Variants in ETNPPL observed in about 807,000 individuals in gnomAD.
The protein encoded by ETNPPL is alanine--glyoxylate aminotransferase 2-like 1.
Under a neutral mutation model 55.5 loss-of-function variants are expected in ETNPPL, and 30 were observed. The ratio of observed to expected loss-of-function variants is 0.54; its 90% CI spans 0.40 to 0.73. The LOEUF (loss-of-function observed/expected upper bound fraction) is 0.73, where lower values mean the gene tolerates loss of function less well. Ranked by LOEUF, ETNPPL falls within the 30% of genes least tolerant of loss-of-function variation. The pLI is 0.00. For synonymous variants in ETNPPL, 202 were observed against 207.2 expected (o/e 0.98, Z 0.21); for missense variants, 528 against 607.9 (o/e 0.87, Z 1.38).
intron 5 of ETNPPL, among the ~76,000 whole-genome samples, chr4:108,753,304 G>T (rs60819900): frequency 0.066 from 10,061 of 152,212 alleles, 897 homozygotes; most frequent in East Asian, 0.48. Context: ...ATTTAAAAAT[G>T]TCAGTGAATG....
chr4:108,751,018 T>C lies in ETNPPL; in HGVS notation c.619A>G (p.Ile207Val), dbSNP rs1433555257. The change falls in exon 7 of 13, where the codon ATT becomes GTT. Residue 207 changes from isoleucine (I) to valine (V), a missense_variant and splice_region_variant. Ile to Val is a conservative substitution (Grantham distance 29, BLOSUM62 3). Coordinates refer to ENST00000296486, the MANE Select transcript of ETNPPL (RefSeq NM_031279.4). The part of the protein sequence containing the change: ...IEDAHNSGRK[I>V]AAFIAESMQS... Reference sequence around the variant, plus strand: ...ATGGATTCAGCAATAAAGGCAGCAATCTATACAAGAGAAGATGGTGTCAAA... The same window carrying C: ...ATGGATTCAGCAATAAAGGCAGCAACCTATACAAGAGAAGATGGTGTCAAA... 41 of 1,611,234 alleles carry C rather than the reference T, an allele frequency of 2.5e-5. No homozygotes were observed. The highest frequency in any genetic ancestry group is 3.5e-5 in the Non-Finnish European group (41 of 1,177,746).
At chr4:108,756,192 T>C (rs957237337) in intron 4 of ETNPPL, among the ~76,000 whole-genome samples, 4 of 152,236 alleles carry the variant, frequency 2.6e-5, no homozygotes, top group Admixed American at 2.0e-4. Context: ...TCCCCCACAG[T>C]AACCAAGAGA....
In ETNPPL at chr4:108,750,198, TCC is replaced by T. The variant is rs570869573; in HGVS notation, c.701+736_702-736del. 1.1e-4 allele frequency among the ~76,000 whole-genome samples: 17 copies of T among 152,228 alleles called. No homozygotes were observed. In the East Asian group the frequency reaches 3.3e-3, roughly 29 times the overall value. On this transcript the variant is annotated intron_variant, in intron 7 of 12. Coordinates refer to ENST00000296486, the MANE Select transcript of ETNPPL (RefSeq NM_031279.4). ...TTCCTGGGTATGTCTGTGAGGGTGTTCCCAAAAGAGATTAACATTTGAGTCAG... is the reference window on the plus strand; with the variant it reads ...TTCCTGGGTATGTCTGTGAGGGTGTTCAAAAGAGATTAACATTTGAGTCAG...
Position 108,743,817 on chromosome 4 carries a change from G to C in ETNPPL, c.1343C>G (p.Thr448Ser), listed in dbSNP as rs549154634. 1 of 1,611,816 alleles carries C rather than the reference G, an allele frequency of 6.2e-7. No homozygotes were observed. The highest frequency in any genetic ancestry group is 1.7e-5 in the Admixed American group (1 of 59,978). The change falls in exon 12 of 13, where the codon ACC becomes AGC. Residue 448 changes from threonine to serine, a missense_variant. Transcript: ENST00000296486. ...TGTTTTGCATGGAGTATTCTCAGAGGTCACACTTTCGGTTTTGGTTCCCAT... is the reference window on the plus strand; with the variant it reads ...TGTTTTGCATGGAGTATTCTCAGAGCTCACACTTTCGGTTTTGGTTCCCAT... ...EAMGTKTESV[T>S]SENTPCKTKM...
rs1181903475 is a variant in ETNPPL at position 108,746,505 on chromosome 4, G to A, written c.1197C>T (p.Leu399=). 6.2e-7 allele frequency: 1 copy of A among 1,612,952 alleles called. No individual in the cohort carries two copies. The highest frequency in any genetic ancestry group is 8.5e-7 in the Non-Finnish European group (1 of 1,179,908). The change falls in exon 11 of 13, where the codon CTC becomes CTT. Residue 399 remains leucine, a synonymous_variant. Transcript: ENST00000296486. ...CATTTCTATGAGGTCCATCGGCACT[G>A]AGAAGCACTCGTTTTTCTTTCATCC... is the stretch of plus-strand genomic sequence containing the variant. The part of the protein sequence containing the change: ...IYKMKEKRVL[L]SADGPHRNVL...
chr4:108,743,183 G>A (rs1351064775), intron 12 of ETNPPL, among the ~76,000 whole-genome samples: 1 of 152,128 alleles, frequency 6.6e-6, no homozygotes, highest in Admixed American at 6.5e-5. Context: ...AACAAATTAT[G>A]CAACAAAGCC....
In ETNPPL at chr4:108,746,471, T is replaced by C. The variant is rs1191361330; in HGVS notation, c.1231A>G (p.Ile411Val). Residue 411 changes from isoleucine to valine, a missense_variant, in exon 11 of 13, where the codon ATA (isoleucine) becomes GTA (valine). Transcript: ENST00000296486. ...ADGPHRNVLK[I>V]KPPMCFTEED... ...TCAGTGAAGCACATAGGTGGTTTTA[T>C]TTTAAGTACATTTCTATGAGGTCCA... The C allele has an allele frequency of 3.1e-6, 5 of 1,613,830 alleles. No individual in the cohort carries two copies. The highest frequency in any genetic ancestry group is 3.3e-5 in the Admixed American group (2 of 60,014).
intron 3 of ETNPPL, among the ~76,000 whole-genome samples, chr4:108,758,272 G>A (rs1729321606): frequency 6.6e-6 from 1 of 151,976 alleles, no homozygotes; most frequent in African/African-American, 2.4e-5. Context: ...TTACAGGCAT[G>A]AGCCACCACG....
At position 108,749,324 on chromosome 4, in the gene ETNPPL, C is replaced by T; in HGVS notation, c.841G>A (p.Gly281Ser). The change falls in exon 8 of 13, where the codon GGC becomes AGC. Residue 281 changes from glycine (G) to serine (S), a missense_variant. Physicochemically the swap from Gly to Ser is moderately conservative, Grantham distance 56. Transcript: ENST00000296486. The stretch of plus-strand genomic sequence containing the variant: ...ACACATGCCACCGGGTGGCCGTTGC[C>T]CATCGGTTTTCCCATTGTGACGATG... ...PDIVTMGKPM[G>S]NGHPVACVVT... 2 of 1,614,006 alleles carry T rather than the reference C, an allele frequency of 1.2e-6. No individual in the cohort carries two copies. The highest frequency in any genetic ancestry group is 1.7e-6 in the Non-Finnish European group (2 of 1,179,988).
rs191864160 is a variant in ETNPPL, at chr4:108,750,677, T to C, written c.701+259A>G. ...ACCCTGACCAATACAGATTTGGTAC[T>C]AGCCAATCAGAGAGGATGCAGGCTG... is the stretch of plus-strand genomic sequence containing the variant. On this transcript the variant is annotated intron_variant, in intron 7 of 12. Transcript: ENST00000296486. Among the ~76,000 whole-genome samples the C allele has an allele frequency of 5.0e-3, 741 of 147,950 alleles. 6 individuals carry two copies. Among genetic ancestry groups the C allele is most frequent in the African/African-American group, 0.018 (702 of 39,538 alleles).
intron 5 of ETNPPL, among the ~76,000 whole-genome samples, chr4:108,753,787 AG>A (rs1729043142): frequency 8.1e-6 from 1 of 124,178 alleles, no homozygotes; most frequent in South Asian, 2.7e-4. Context: ...AAAGAAAGAA[AG>A]AAAGAAAGAA....
At position 108,759,829 on chromosome 4, in the gene ETNPPL, G is replaced by C; in HGVS notation, c.255C>G (p.His85Gln). 6.2e-7 allele frequency: 1 copy of C among 1,614,056 alleles called. No homozygotes were observed. Among genetic ancestry groups the C allele is most frequent in the Non-Finnish European group, 8.5e-7 (1 of 1,179,926 alleles). Reference sequence around the variant, plus strand: ...GTTTGGCATACTCAACAATGTTGTCGTGGAGGAATCGAGAATTTGTATTTA... The same window carrying C: ...GTTTGGCATACTCAACAATGTTGTCCTGGAGGAATCGAGAATTTGTATTTA... Reference protein sequence around the residue: ...ELLNTNSRFLHDNIVEYAKRL... With the variant: ...ELLNTNSRFLQDNIVEYAKRL... Residue 85 changes from histidine to glutamine, a missense_variant, in exon 3 of 13, where the codon CAC becomes CAG. By Grantham distance (24) the His-to-Gln change is conservative. Transcript: ENST00000296486.
chr4:108,758,296 C>T lies in ETNPPL; in HGVS notation c.335+1453G>A, dbSNP rs148796587. 1.4e-4 allele frequency among the ~76,000 whole-genome samples: 21 copies of T among 152,092 alleles called. No individual in the cohort carries two copies. In the South Asian group the frequency reaches 1.7e-3, roughly 12 times the overall value. On this transcript the variant is annotated intron_variant, in intron 3 of 12. Coordinates refer to ENST00000296486, the MANE Select transcript of ETNPPL (RefSeq NM_031279.4). ...TGAGCCACCACGCCGAACCATATTT[C>T]GTTTTTAAAATAGGAGTTTCTACTA...
intron 4 of ETNPPL, among the ~76,000 whole-genome samples, chr4:108,755,775 C>A (rs1004460829): frequency 4.6e-5 from 7 of 152,154 alleles, no homozygotes; most frequent in African/African-American, 1.4e-4. Flanking sequence ...GAGTGGAGAT[C>A]GCGCCACTGC....
Position 108,747,148 on chromosome 4 carries a change from A to ATAT in ETNPPL, c.1083-298_1083-297insATA, listed in dbSNP as rs1491176665. ...ATTATATATATATATATATATATATAATATATATATATATATTATATATAT... is the reference window on the plus strand; with the variant it reads ...ATTATATATATATATATATATATATATATATATATATATATATATTATATATAT... On this transcript the variant is annotated intron_variant, in intron 9 of 12. Transcript: ENST00000296486. Among the ~76,000 whole-genome samples, 95 of 35,334 alleles carry ATAT rather than the reference A, an allele frequency of 2.7e-3. 13 individuals are homozygous for ATAT. Among genetic ancestry groups the ATAT allele is most frequent in the African/African-American group, 0.016 (75 of 4,830 alleles). The allele number at this position is 35,334 out of a possible 152,430, so 23.2% of individuals were successfully genotyped here.
intron 11 of ETNPPL, among the ~76,000 whole-genome samples, chr4:108,745,685 C>T (rs1424446153): frequency 6.6e-6 from 1 of 152,100 alleles, no homozygotes; most frequent in Non-Finnish European, 1.5e-5. Context: ...AATCCTAGCA[C>T]TTTGGGAGGT....
Position 108,750,495 on chromosome 4 carries a change from C to CGTGTGTGTGTGTGT in ETNPPL, c.701+427_701+440dup, listed in dbSNP as rs3062135. Among the ~76,000 whole-genome samples the CGTGTGTGTGTGTGT allele has an allele frequency of 2.9e-3, 414 of 141,608 alleles. 3 individuals are homozygous for CGTGTGTGTGTGTGT. Among genetic ancestry groups the CGTGTGTGTGTGTGT allele is most frequent in the East Asian group, 0.014 (63 of 4,584 alleles). The allele number at this position is 141,608 out of a possible 152,430, so 92.9% of individuals were successfully genotyped here. On this transcript the variant is annotated intron_variant, in intron 7 of 12. Coordinates refer to ENST00000296486, the MANE Select transcript of ETNPPL (RefSeq NM_031279.4). ...CATGTAAGTTAATACTTAATACCGC[C>CGTGTGTGTGTGTGT]GTGTGTGTGTGTGTGTGTGTGTGTG...
chr4:108,747,164 T>A (rs866635911), intron 9 of ETNPPL, among the ~76,000 whole-genome samples: 16 of 15,274 alleles, frequency 1.0e-3, no homozygotes, highest in African/African-American at 3.5e-3. Context: ...TATATATATA[T>A]TATATATATA....
rs1728891931 is a variant in ETNPPL, at chr4:108,751,081, A to G, written c.619-63T>C. On this transcript the variant is annotated intron_variant, in intron 6 of 12. Coordinates refer to ENST00000296486, the MANE Select transcript of ETNPPL (RefSeq NM_031279.4). ...CCCCTACAACCCCCCTAAAAAGAGT[A>G]TATCTTATAGAGCAGGTTATTTTAA... The G allele has an allele frequency of 1.1e-5, 13 of 1,140,714 alleles. No homozygotes were observed. The South Asian group carries it at 1.4e-4, about 12-fold the overall frequency. The allele number at this position is 1,140,714 out of a possible 1,614,324, so 70.7% of individuals were successfully genotyped here. A position where few individuals can be genotyped will look rare whatever the true frequency, so the allele number is the denominator to read the frequency against.
Sources: gnomAD v4.1 joint callset for allele counts (sites outside exome capture counted in the v4.1 genomes callset) on GRCh38, gnomAD v4.1.1 for gene constraint, MANE v1.5 for transcripts, NCBI Gene and HGNC (gene_info 2026-07-23, HGNC 2026-07-21) for gene names.